The following CCDC33 variants were observed in gnomAD, a reference collection of about 807,000 sequenced individuals.
The protein encoded by CCDC33 is coiled-coil domain containing 33.
In CCDC33, 94 loss-of-function variants were observed where a neutral mutation model predicts 91.9. The observed-to-expected ratio is 1.02, with a 90% CI of 0.87 to 1.21. CCDC33 has a LOEUF of 1.21. Among genes scored for constraint, CCDC33 ranks in the 50% most tolerant of loss-of-function variants. The pLI is 0.00. For synonymous variants in CCDC33, 396 were observed against 374.5 expected, an observed-to-expected ratio of 1.06 and a Z score of -0.66; for missense variants, 940 against 935.5, an observed-to-expected ratio of 1.00 and a Z score of -0.06.
At chr15:74,313,168 C>T (rs570072143) in intron 11 of CCDC33, among the ~76,000 whole-genome samples, 3 of 152,296 alleles carry the variant, frequency 2.0e-5, no homozygotes, top group Non-Finnish European at 2.9e-5. Context: ...GGTACAGGGG[C>T]CAAGGCTTGG....
At chr15:74,303,358 G>C (rs2059831034) in intron 11 of CCDC33, 1 of 152,454 alleles carries the variant, frequency 6.6e-6, no homozygotes, top group Non-Finnish European at 1.5e-5. Flanking sequence ...AGAGGGCCCA[G>C]GCCCCAGGTC....
chr15:74,302,979 G>T (rs576757467), intron 11 of CCDC33: 1 of 152,434 alleles, frequency 6.6e-6, no homozygotes, highest in Admixed American at 6.5e-5. Context: ...CTGCACTGTG[G>T]CTGCAGCCTT....
Position 74,244,183 on chromosome 15 carries a change from G to A in CCDC33, c.185+35G>A. On this transcript the variant is annotated intron_variant, in intron 2 of 18. Coordinates refer to ENST00000398814, the MANE Select transcript of CCDC33 (RefSeq NM_025055.5). The surrounding 1 kb of genome is among the most constrained non-coding windows in gnomAD (Gnocchi z 4.2). ...TGCGTGAGAGTGGGGGCAGGGGATG[G>A]GTTGGGCTGTGAGCAGAAACCAGGG... 1.9e-6 allele frequency: 3 copies of A among 1,587,010 alleles called. No homozygotes were observed. Among genetic ancestry groups the A allele is most frequent in the South Asian group, 1.1e-5 (1 of 87,960 alleles).
At chr15:74,276,950 GTGTCTGTCTGTC>G (rs759521456) in intron 7 of CCDC33, among the ~76,000 whole-genome samples, 15 of 152,172 alleles carry the variant, frequency 9.9e-5, no homozygotes, top group Admixed American at 3.9e-4. Context: ...TTGTGTGTGT[GTGTCTGTCTGTC>G]TGTCTGTCTG....
chr15:74,280,765 C>A lies in CCDC33; in HGVS notation c.987C>A (p.Gly329=). 1 of 1,569,080 alleles carries A rather than the reference C, an allele frequency of 6.4e-7. No individual in the cohort carries two copies. Among genetic ancestry groups the A allele is most frequent in the East Asian group, 2.4e-5 (1 of 41,078 alleles). ...RLYQKMLTGK[G]LDGLHVERLP... ...ACCAGAAGATGCTGACAGGGAAAGG[C>A]TTGGACGGGCTTCACGTGGAGCGGC... Residue 329 remains glycine, a synonymous_variant, in exon 9 of 19, where the codon GGC becomes GGA. Coordinates refer to ENST00000398814, the MANE Select transcript of CCDC33 (RefSeq NM_025055.5).
intron 11 of CCDC33, chr15:74,302,383 C>T (rs1037686945): frequency 2.0e-5 from 3 of 152,280 alleles, no homozygotes; most frequent in Admixed American, 6.5e-5. Flanking sequence ...GAAAGGCAAG[C>T]CTCCCAGCAC....
chr15:74,321,416 C>T (rs1408467590), intron 11 of CCDC33, among the ~76,000 whole-genome samples: 1 of 151,744 alleles, frequency 6.6e-6, no homozygotes, highest in Non-Finnish European at 1.5e-5. Flanking sequence ...AGGCATCCAC[C>T]ACCATGCCTG....
intron 2 of CCDC33, among the ~76,000 whole-genome samples, chr15:74,226,629 C>T (rs543384446): frequency 5.9e-5 from 9 of 152,166 alleles, no homozygotes; most frequent in Non-Finnish European, 1.3e-4. Context: ...GAGTTCCAGA[C>T]CAGCCTGACC....
intron 2 of CCDC33, among the ~76,000 whole-genome samples, chr15:74,253,954 A>G (rs955986543): frequency 1.3e-5 from 2 of 151,682 alleles, no homozygotes; most frequent in East Asian, 3.9e-4. Context: ...GCCTCAAGTG[A>G]TCCTCCCACC....
chr15:74,329,778 G>T (rs918306733), intron 11 of CCDC33, among the ~76,000 whole-genome samples: 1 of 152,238 alleles, frequency 6.6e-6, no homozygotes, highest in Admixed American at 6.5e-5. Context: ...TCTCAGTGAC[G>T]TGAGGAATGA....
At chr15:74,322,058 G>A (rs916164216) in intron 11 of CCDC33, among the ~76,000 whole-genome samples, 2 of 152,178 alleles carry the variant, frequency 1.3e-5, no homozygotes, top group Non-Finnish European at 2.9e-5. Context: ...AGGGGGTCTA[G>A]CTGTGCTGAA....
intron 11 of CCDC33, among the ~76,000 whole-genome samples, chr15:74,310,224 A>T (rs913128897): frequency 6.6e-6 from 1 of 152,042 alleles, no homozygotes; most frequent in African/African-American, 2.4e-5. Context: ...TGCTTGGTGC[A>T]GAAGGTCTGG....
Position 74,207,232 on chromosome 15 carries a change from C to T in CCDC33, n.90-2156C>T, listed in dbSNP as rs1464874582. On this transcript the variant is annotated intron_variant and non_coding_transcript_variant, in intron 1 of 3. Coordinates refer to the CCDC33 transcript ENST00000558645. ...AGCTTAGAAGAAGCTAACAGCAGGC[C>T]AGAAGGAATGGGGAAGGCCAGCAGC... Among the ~76,000 whole-genome samples the T allele has an allele frequency of 2.0e-5, 3 of 152,290 alleles. No homozygotes were observed. In the East Asian group the frequency reaches 5.8e-4, roughly 29 times the overall value.
chr15:74,287,396 C>T (rs914500029), intron 10 of CCDC33, among the ~76,000 whole-genome samples: 3 of 152,218 alleles, frequency 2.0e-5, no homozygotes, highest in Non-Finnish European at 2.9e-5. Context: ...CTCTCATTGC[C>T]TCAGGTCATT....
At chr15:74,230,493 T>C (rs912812223) in intron 2 of CCDC33, among the ~76,000 whole-genome samples, 3 of 152,208 alleles carry the variant, frequency 2.0e-5, no homozygotes, top group Non-Finnish European at 4.4e-5. Context: ...AGCAAAGTGA[T>C]TTATGACATG....
exon 1 of CCDC33, chr15:74,203,095 C>G (rs1417612447): frequency 1.0e-6 from 1 of 985,434 alleles, no homozygotes; most frequent in African/African-American, 1.7e-5. Flanking sequence ...ACAGCAACAA[C>G]CGAGTGAGAC....
chr15:74,251,579 G>C (rs2075711422), intron 2 of CCDC33, among the ~76,000 whole-genome samples: 1 of 152,242 alleles, frequency 6.6e-6, no homozygotes, highest in South Asian at 2.1e-4. Flanking sequence ...GGACTCGAAG[G>C]GGAAGGCGCT....
chr15:74,327,301 G>A (rs1332716731), intron 11 of CCDC33, among the ~76,000 whole-genome samples: 4 of 152,174 alleles, frequency 2.6e-5, no homozygotes, highest in Admixed American at 1.3e-4. Context: ...TCCTCGCTCT[G>A]GGCCCCAGCT....
chr15:74,312,287 G>T (rs560685556), intron 11 of CCDC33, among the ~76,000 whole-genome samples: 34 of 152,320 alleles, frequency 2.2e-4, no homozygotes, highest in African/African-American at 7.7e-4. Flanking sequence ...CCCCCGCTAG[G>T]CACATCTTCC....
Sources: gnomAD v4.1 joint callset for allele counts (sites outside exome capture counted in the v4.1 genomes callset) on GRCh38, gnomAD v4.1.1 for gene constraint, Gnocchi (gnomAD v3.1) non-coding constraint, MANE v1.5 for transcripts, NCBI Gene and HGNC (gene_info 2026-07-23, HGNC 2026-07-21) for gene names.